Variants in ZBTB7C observed in about 807,000 individuals in gnomAD.
ZBTB7C encodes the protein zinc finger and BTB domain-containing protein 7C.
In ZBTB7C, 8 loss-of-function variants were observed where a neutral mutation model predicts 25.7. That is an observed-to-expected ratio of 0.31 (90% CI 0.18 to 0.56). The LOEUF (loss-of-function observed/expected upper bound fraction) is 0.56. ZBTB7C is among the 20% of genes least tolerant of loss of function. The pLI is 0.91. For missense variants in ZBTB7C, 824 were observed against 855.2 expected (o/e 0.96, Z 0.46); for synonymous variants, 394 against 369.0 (o/e 1.07, Z -0.78).
intron 3 of ZBTB7C, 40 bp from the exon 4 acceptor site, chr18:48,041,163 G>A (rs766719742): frequency 1.1e-5 from 17 of 1,536,932 alleles, no homozygotes; most frequent in Admixed American, 9.0e-5. Flanking sequence ...GTTAGTGAGC[G>A]TGGCCCCAGG....
At chr18:48,363,744 C>T (rs1349344871) in intron 1 of ZBTB7C, among the ~76,000 whole-genome samples, 2 of 152,106 alleles carry the variant, frequency 1.3e-5, no homozygotes, top group African/African-American at 4.8e-5. Context: ...TATTAAAACA[C>T]AGCTTTACCC....
intron 2 of ZBTB7C, among the ~76,000 whole-genome samples, chr18:48,333,406 T>C (rs2046385245): frequency 6.6e-6 from 1 of 152,200 alleles, no homozygotes; most frequent in Non-Finnish European, 1.5e-5. Context: ...CAGCACCTTT[T>C]ACTTTTAGAG....
intron 1 of ZBTB7C, among the ~76,000 whole-genome samples, chr18:48,367,347 C>CATATATAT (rs58569472): frequency 0.026 from 1,145 of 44,696 alleles, 11 homozygotes; most frequent in African/African-American, 0.027. Context: ...TATATGTGTG[C>CATATATAT]ATATATATAT....
chr18:48,396,930 A>G (rs1005168846), intron 1 of ZBTB7C, among the ~76,000 whole-genome samples: 2 of 152,186 alleles, frequency 1.3e-5, no homozygotes, highest in African/African-American at 4.8e-5. Flanking sequence ...ATGTCTTATC[A>G]CCTGAATTTA....
chr18:48,225,237 A>G (rs2043058545), intron 2 of ZBTB7C, among the ~76,000 whole-genome samples: 1 of 152,010 alleles, frequency 6.6e-6, no homozygotes, highest in African/African-American at 2.4e-5. Flanking sequence ...GAGTTTTAGA[A>G]ATGGGAGGGA....
At chr18:48,092,077 CAAT>C (rs1237035730) in intron 3 of ZBTB7C, among the ~76,000 whole-genome samples, 1 of 152,154 alleles carries the variant, frequency 6.6e-6, no homozygotes, top group Non-Finnish European at 1.5e-5. Context: ...GCTGATATTG[CAAT>C]AATAAGGGCA....
At chr18:48,388,295 T>C (rs762787043) in intron 1 of ZBTB7C, among the ~76,000 whole-genome samples, 4 of 151,982 alleles carry the variant, frequency 2.6e-5, no homozygotes, top group Non-Finnish European at 5.9e-5. Flanking sequence ...ATGCCAAATA[T>C]AAATACGAAT....
At chr18:48,124,844 T>C (rs1213669615) in intron 3 of ZBTB7C, among the ~76,000 whole-genome samples, 1 of 152,198 alleles carries the variant, frequency 6.6e-6, no homozygotes, top group Non-Finnish European at 1.5e-5. Context: ...GAAAGCCCCT[T>C]GCAGTTTTCC....
upstream of ZBTB7C, among the ~76,000 whole-genome samples, chr18:48,410,358 C>G (rs369309874): frequency 3.3e-5 from 5 of 152,290 alleles, no homozygotes; most frequent in East Asian, 1.9e-4. Flanking sequence ...GCTGGCCGCC[C>G]GTCACTCCCC....
chr18:48,375,443 C>T (rs1299723358), intron 1 of ZBTB7C: 1 of 152,278 alleles, frequency 6.6e-6, no homozygotes, highest in East Asian at 1.9e-4. Flanking sequence ...CTGGAAGCAA[C>T]ACTGGGAAGC....
chr18:48,280,208 G>A (rs1284824073), intron 2 of ZBTB7C, among the ~76,000 whole-genome samples: 1 of 152,084 alleles, frequency 6.6e-6, no homozygotes, highest in Non-Finnish European at 1.5e-5. Context: ...GGGCAGGAAA[G>A]GTACCATGGA....
At chr18:48,197,812 C>T (rs990534805) in intron 2 of ZBTB7C, among the ~76,000 whole-genome samples, 1 of 152,128 alleles carries the variant, frequency 6.6e-6, no homozygotes, top group African/African-American at 2.4e-5. Context: ...CCAAATACAG[C>T]CATATTGGGA....
chr18:48,232,911 G>C (rs1362734094), intron 2 of ZBTB7C, among the ~76,000 whole-genome samples: 1 of 152,180 alleles, frequency 6.6e-6, no homozygotes, highest in African/African-American at 2.4e-5. Flanking sequence ...CAACCCCCTG[G>C]TTGAGTGTTG....
chr18:48,095,067 C>T (rs1378190806), intron 3 of ZBTB7C, among the ~76,000 whole-genome samples: 1 of 152,122 alleles, frequency 6.6e-6, no homozygotes, highest in East Asian at 1.9e-4. Flanking sequence ...CAAAAATCTC[C>T]CCCAATTCCC....
intron 2 of ZBTB7C, among the ~76,000 whole-genome samples, chr18:48,251,310 G>T (rs945401931): frequency 1.3e-5 from 2 of 152,142 alleles, no homozygotes; most frequent in African/African-American, 4.8e-5. Context: ...ATAGTTGATA[G>T]CATTTATTTG....
At chr18:48,139,002 G>A (rs771471846) in intron 3 of ZBTB7C, among the ~76,000 whole-genome samples, 1 of 152,084 alleles carries the variant, frequency 6.6e-6, no homozygotes, top group Non-Finnish European at 1.5e-5. Flanking sequence ...AGGCGGACTG[G>A]AGAGTGGGGC....
chr18:48,129,337 A>C (rs1241316409), intron 3 of ZBTB7C, among the ~76,000 whole-genome samples: 9 of 137,970 alleles, frequency 6.5e-5, no homozygotes, highest in Admixed American at 3.0e-4. Flanking sequence ...ACACACACAC[A>C]CCCAGAGAAA....
At chr18:48,085,679 G>A (rs2038166211) in intron 3 of ZBTB7C, among the ~76,000 whole-genome samples, 1 of 152,210 alleles carries the variant, frequency 6.6e-6, no homozygotes, top group Non-Finnish European at 1.5e-5. Context: ...ATAAACATTA[G>A]CTATCAATAT....
At chr18:48,250,489 G>A (rs1181228005) in intron 2 of ZBTB7C, among the ~76,000 whole-genome samples, 2 of 152,124 alleles carry the variant, frequency 1.3e-5, no homozygotes, top group African/African-American at 4.8e-5. Flanking sequence ...CTCAGATGAT[G>A]CTAGTTATCA....
Sources: gnomAD v4.1 joint callset for allele counts (sites outside exome capture counted in the v4.1 genomes callset) on GRCh38, gnomAD v4.1.1 for gene constraint, MANE v1.5 for transcripts, NCBI Gene and HGNC (gene_info 2026-07-23, HGNC 2026-07-21) for gene names.